GSE1: variants seen among roughly 807,000 people sequenced by gnomAD.
The protein encoded by GSE1 is genetic suppressor element 1.
GSE1 carries 32 observed loss-of-function variants against 112.6 expected under a neutral mutation model. The observed-to-expected ratio is 0.28, with a 90% CI of 0.21 to 0.38. The LOEUF is 0.38. Ranked by LOEUF, GSE1 falls within the 10% of genes least tolerant of loss-of-function variation. The probability of loss-of-function intolerance (pLI) is 1.00; values close to 1 mark genes in which losing one functional copy is unlikely to be tolerated. For synonymous variants in GSE1, 1,115 were observed against 735.6 expected (o/e 1.52, Z -8.35); for missense variants, 2,348 against 1,699.2 (o/e 1.38, Z -6.71).
At chr16:85,227,360 C>G (rs942458977) in intron 1 of GSE1, among the ~76,000 whole-genome samples, 1 of 152,206 alleles carries the variant, frequency 6.6e-6, no homozygotes, top group Non-Finnish European at 1.5e-5. Context: ...TCTCACGGAC[C>G]TCAACGGTGG....
At chr16:85,348,614 G>A (rs549463897) in intron 1 of GSE1, among the ~76,000 whole-genome samples, 75 of 152,272 alleles carry the variant, frequency 4.9e-4, no homozygotes, top group African/African-American at 1.7e-3. Context: ...TGCTGGAAGA[G>A]GATCCAGCTG....
At chr16:85,422,543 C>T (rs552285752) in intron 2 of GSE1, among the ~76,000 whole-genome samples, 3 of 150,070 alleles carry the variant, frequency 2.0e-5, no homozygotes, top group Non-Finnish European at 3.0e-5. Context: ...CACACGTTCA[C>T]GGAGCAGCCA....
chr16:85,494,748 G>A (rs1373595847), intron 2 of GSE1, among the ~76,000 whole-genome samples: 3 of 152,178 alleles, frequency 2.0e-5, no homozygotes, highest in Non-Finnish European at 4.4e-5. Context: ...TATAAATTTG[G>A]GGGGAACTCT....
Position 85,242,711 on chromosome 16 carries a change from G to A in GSE1, c.2283+70904G>A, listed in dbSNP as rs181468891. Among the ~76,000 whole-genome samples, 549 of 152,328 alleles carry A rather than the reference G, an allele frequency of 3.6e-3. 2 individuals are homozygous for A. The highest frequency in any genetic ancestry group is 0.013 in the African/African-American group (529 of 41,564). ...ACTGCTCCTTAGAAATGCTGGCCCT[G>A]CTCCTGGGGATTCTGATGTAATTGG... On this transcript the variant is annotated intron_variant, in intron 1 of 2. Coordinates refer to the GSE1 transcript ENST00000637419.
At chr16:85,411,314 G>A (rs1372459787) in intron 2 of GSE1, among the ~76,000 whole-genome samples, 1 of 9,296 alleles carries the variant, frequency 1.1e-4, no homozygotes, top group Non-Finnish European at 2.7e-4. Context: ...CAGGCCCCCC[G>A]GATAATCCTC....
At chr16:85,577,933 CAG>C (rs1190732979) in intron 1 of GSE1, among the ~76,000 whole-genome samples, 1 of 152,268 alleles carries the variant, frequency 6.6e-6, no homozygotes, top group African/African-American at 2.4e-5. Context: ...CGTGCCTTTG[CAG>C]AGCCCGGCTT....
At chr16:85,604,101 A>G (rs2047580726) in intron 1 of GSE1, among the ~76,000 whole-genome samples, 1 of 152,184 alleles carries the variant, frequency 6.6e-6, no homozygotes, top group Non-Finnish European at 1.5e-5. Flanking sequence ...TCACGTGGCA[A>G]AGGCAGGGGC....
chr16:85,445,232 A>G lies in GSE1; in HGVS notation c.2464+87589A>G, dbSNP rs892795768. Among the ~76,000 whole-genome samples the G allele has an allele frequency of 4.6e-5, 7 of 152,342 alleles. No individual in the cohort carries two copies. In the East Asian group the frequency reaches 1.2e-3, roughly 25 times the overall value. On this transcript the variant is annotated intron_variant, in intron 2 of 2. Coordinates refer to the GSE1 transcript ENST00000637419. Reference sequence around the variant, plus strand: ...CTGCTTGCTCTCCTCTCCCGGGAGCAGCTGCCACGTGCGGTAATTAGAGGC... The same window carrying G: ...CTGCTTGCTCTCCTCTCCCGGGAGCGGCTGCCACGTGCGGTAATTAGAGGC...
intron 2 of GSE1, among the ~76,000 whole-genome samples, chr16:85,535,392 G>A (rs991155976): frequency 5.3e-5 from 8 of 150,036 alleles, no homozygotes; most frequent in African/African-American, 2.0e-4. Flanking sequence ...GGAAACCCTG[G>A]CCTCGGCCTT....
chr16:85,424,974 C>G (rs1164258830), intron 2 of GSE1, among the ~76,000 whole-genome samples: 1 of 152,256 alleles, frequency 6.6e-6, no homozygotes, highest in South Asian at 2.1e-4. Context: ...CTCTGCCTCC[C>G]ATGCCAGGCA....
upstream of GSE1, chr16:85,555,257 T>G: frequency 1.0e-6 from 1 of 985,396 alleles, no homozygotes; most frequent in Non-Finnish European, 1.2e-6. Flanking sequence ...TCCACCGCCG[T>G]GCGCTCTCGC....
At chr16:85,483,016 G>T (rs1390079060) in intron 2 of GSE1, among the ~76,000 whole-genome samples, 1 of 149,836 alleles carries the variant, frequency 6.7e-6, no homozygotes, top group East Asian at 1.9e-4. Context: ...TCTCTGTGTA[G>T]CAGTGCGACG....
At chr16:85,549,616 C>T (rs1241039314) in intron 2 of GSE1, among the ~76,000 whole-genome samples, 1 of 152,186 alleles carries the variant, frequency 6.6e-6, no homozygotes, top group Non-Finnish European at 1.5e-5. Context: ...GTAGCTCCCA[C>T]CAAGCAAAGG....
intron 2 of GSE1, among the ~76,000 whole-genome samples, chr16:85,540,788 T>C (rs1468097302): frequency 6.6e-6 from 1 of 152,134 alleles, no homozygotes; most frequent in African/African-American, 2.4e-5. Context: ...GGGCCTGTAG[T>C]CCTTGATACT....
chr16:85,543,045 G>C (rs999378248), intron 2 of GSE1, among the ~76,000 whole-genome samples: 1 of 152,092 alleles, frequency 6.6e-6, no homozygotes, highest in Non-Finnish European at 1.5e-5. Context: ...GACCAACATG[G>C]TGAAACTCCA....
At chr16:85,179,729 C>G (rs889892716) in intron 1 of GSE1, among the ~76,000 whole-genome samples, 1 of 152,150 alleles carries the variant, frequency 6.6e-6, no homozygotes, top group Non-Finnish European at 1.5e-5. Context: ...AGATGGCGAT[C>G]GTTTTTGTTC....
chr16:85,660,930 G>A (rs534757014), intron 8 of GSE1, among the ~76,000 whole-genome samples: 5 of 151,998 alleles, frequency 3.3e-5, no homozygotes, highest in South Asian at 2.1e-4. Flanking sequence ...GCGCCCGGCC[G>A]AGTCTTTAAA....
At chr16:85,512,834 A>G (rs1208637400) in intron 2 of GSE1, among the ~76,000 whole-genome samples, 1 of 152,126 alleles carries the variant, frequency 6.6e-6, no homozygotes, top group Non-Finnish European at 1.5e-5. Flanking sequence ...GGGGGACCCC[A>G]ATCTTGCCTG....
intron 1 of GSE1, among the ~76,000 whole-genome samples, chr16:85,221,865 C>T (rs1191450048): frequency 6.6e-6 from 1 of 152,194 alleles, no homozygotes; most frequent in Non-Finnish European, 1.5e-5. Context: ...GCTTGGAGCC[C>T]TCATGTTTTC....
Sources: allele counts gnomAD v4.1 joint callset (sites outside exome capture counted in the v4.1 genomes callset), GRCh38; gene constraint gnomAD v4.1.1; transcripts MANE v1.5; gene names NCBI Gene and HGNC (gene_info 2026-07-23, HGNC 2026-07-21).